Variants in PKP2 observed in about 807,000 individuals in gnomAD.
The protein encoded by PKP2 is plakophilin 2, also known as plakophilin-2.
In PKP2, 73 loss-of-function variants were observed where a neutral mutation model predicts 83.4. The observed-to-expected ratio is 0.88, with a 90% CI of 0.72 to 1.06. The LOEUF (loss-of-function observed/expected upper bound fraction) is 1.06, where lower values mean the gene tolerates loss of function less well. PKP2 is among the 50% of genes least tolerant of loss of function. PKP2 has a pLI of 0.00. For missense variants in PKP2, 966 were observed against 1,065.4 expected, an observed-to-expected ratio of 0.91 and a Z score of 1.30; for synonymous variants, 409 against 430.4, an observed-to-expected ratio of 0.95 and a Z score of 0.62.
chr12:32,877,906 G>A lies in PKP2; in HGVS notation c.974C>T (p.Ala325Val), dbSNP rs201803918. 4.6e-5 allele frequency: 74 copies of A among 1,614,028 alleles called. No individual in the cohort carries two copies. Among genetic ancestry groups the A allele is most frequent in the Admixed American group, 1.0e-4 (6 of 59,996 alleles). ...RRAHLTVGQA[A>V]AGGSGNLLTE... ...GAGCAGATTCCCACTTCCCCCTGCG[G>A]CCGCCTGGCCGACAGTCAAGTGCGC... Residue 325 changes from alanine to valine, a missense_variant, in exon 3 of 13, where the codon GCC (alanine) becomes GTC (valine). Ala to Val is a moderately conservative substitution (Grantham distance 64). Transcript: ENST00000340811.
chr12:32,843,105 G>C (rs867639688), intron 5 of PKP2: 2 of 389,672 alleles, frequency 5.1e-6, no homozygotes, highest in South Asian at 3.8e-5. Flanking sequence ...TCAGTCTCCT[G>C]AGTAGCTGGG....
chr12:32,895,326 G>C (rs769581655), intron 1 of PKP2, among the ~76,000 whole-genome samples: 42 of 152,166 alleles, frequency 2.8e-4, no homozygotes, highest in African/African-American at 1.0e-3. Flanking sequence ...TATTGACTAC[G>C]TCATCCTTTA....
At chr12:32,877,506 A>G (rs1956941631) in intron 3 of PKP2, among the ~76,000 whole-genome samples, 1 of 152,188 alleles carries the variant, frequency 6.6e-6, no homozygotes, top group Non-Finnish European at 1.5e-5. Flanking sequence ...TGAAGAAAAT[A>G]CGCATGCAAT....
intron 9 of PKP2, among the ~76,000 whole-genome samples, chr12:32,819,440 A>G (rs1345076774): frequency 2.6e-5 from 4 of 152,184 alleles, no homozygotes; most frequent in African/African-American, 4.8e-5. Context: ...ATGAATCAGT[A>G]TCAGTTTAGT....
At chr12:32,844,576 A>G (rs1956630044) in intron 5 of PKP2, among the ~76,000 whole-genome samples, 1 of 152,212 alleles carries the variant, frequency 6.6e-6, no homozygotes, top group Non-Finnish European at 1.5e-5. Flanking sequence ...TGGAAATTCT[A>G]AAGAAGGAGA....
chr12:32,859,105 T>C (rs1956778269), intron 4 of PKP2, among the ~76,000 whole-genome samples: 1 of 152,226 alleles, frequency 6.6e-6, no homozygotes, highest in Admixed American at 6.5e-5. Context: ...GGTATTTATG[T>C]CAATTGTATT....
At position 32,832,445 on chromosome 12, in the gene PKP2, A is replaced by G. The variant is rs191440375; in HGVS notation, c.1557-8283T>C. Among the ~76,000 whole-genome samples, 4 of 152,336 alleles carry G rather than the reference A, an allele frequency of 2.6e-5. No individual in the cohort carries two copies. The East Asian group carries it at 5.8e-4, about 22-fold the overall frequency. On this transcript the variant is annotated intron_variant, in intron 6 of 12. Transcript: ENST00000340811. ...AAACCATGTACTTGTTTGTATATCT[A>G]AAGTAACCAACAGAAAATATGGTTA...
intron 6 of PKP2, among the ~76,000 whole-genome samples, chr12:32,835,312 C>A (rs1387451360): frequency 1.3e-5 from 2 of 152,106 alleles, no homozygotes; most frequent in Non-Finnish European, 2.9e-5. Flanking sequence ...CTTGGCCTCC[C>A]AAAGTGCTGG....
chr12:32,823,974 CA>C (rs2137782776), intron 7 of PKP2, 70 bp downstream of exon 7: 2 of 941,700 alleles, frequency 2.1e-6, no homozygotes, highest in South Asian at 2.6e-5. Context: ...AACCTAAAAC[CA>C]AGCGGCTATC....
At position 32,796,167 on chromosome 12, in the gene PKP2, G is replaced by C; in HGVS notation, c.2299C>G (p.Arg767Gly). 1 of 1,614,046 alleles carries C rather than the reference G, an allele frequency of 6.2e-7. No homozygotes were observed. The highest frequency in any genetic ancestry group is 8.5e-7 in the Non-Finnish European group (1 of 1,179,986). Residue 767 changes from arginine to glycine, a missense_variant, in exon 11 of 13, where the codon CGC (arginine) becomes GGC (glycine). By Grantham distance (125) the Arg-to-Gly change is moderately radical. Coordinates refer to ENST00000340811, the MANE Select transcript of PKP2 (RefSeq NM_001005242.3). ...NIIQNSYQNA[R>G]DLLNTGGIQK... Reference sequence around the variant, plus strand: ...ATGCCCCCGGTGTTTAGAAGGTCGCGTGCATTCTGGTAACTGTTTTGGATT... The same window carrying C: ...ATGCCCCCGGTGTTTAGAAGGTCGCCTGCATTCTGGTAACTGTTTTGGATT...
chr12:32,809,014 G>A (rs554001565), intron 9 of PKP2, among the ~76,000 whole-genome samples: 1 of 152,310 alleles, frequency 6.6e-6, no homozygotes, highest in African/African-American at 2.4e-5. Flanking sequence ...ACAGAATTAG[G>A]GACCCGCTTA....
At chr12:32,814,835 G>C (rs1392595934) in intron 9 of PKP2, among the ~76,000 whole-genome samples, 1 of 151,896 alleles carries the variant, frequency 6.6e-6, no homozygotes, top group Non-Finnish European at 1.5e-5. Flanking sequence ...TGAGGTAGGA[G>C]AATCACTTGA....
chr12:32,861,010 A>T (rs994123956), intron 4 of PKP2, among the ~76,000 whole-genome samples: 2 of 148,494 alleles, frequency 1.3e-5, no homozygotes, highest in Non-Finnish European at 3.0e-5. Context: ...CCTGGGTGAC[A>T]GAGCAAGACT....
intron 3 of PKP2, among the ~76,000 whole-genome samples, chr12:32,873,924 G>A (rs917798555): frequency 2.1e-5 from 3 of 139,848 alleles, no homozygotes; most frequent in African/African-American, 4.9e-5. Context: ...CATAAATCAT[G>A]GTTTTAGAAA....
At chr12:32,885,211 G>A (rs1038487596) in intron 1 of PKP2, among the ~76,000 whole-genome samples, 3 of 152,150 alleles carry the variant, frequency 2.0e-5, no homozygotes, top group Admixed American at 1.3e-4. Flanking sequence ...AGGTGAAGCC[G>A]TCACAGGACA....
Position 32,802,741 on chromosome 12 carries a change from C to G in PKP2, c.2014-185G>C, listed in dbSNP as rs12299188. 0.2 allele frequency among the ~76,000 whole-genome samples: 29,999 copies of G among 152,036 alleles called. 3,643 individuals carry two copies. Among genetic ancestry groups the G allele is most frequent in the East Asian group, 0.56 (2,894 of 5,124 alleles). ...TGGTGTGATCTCAGCTCACCACAAC[C>G]TCCACCTCCCAGGTTCAAGTGATTC... On this transcript the variant is annotated intron_variant, in intron 9 of 12. Transcript: ENST00000340811.
At chr12:32,881,623 ATAAG>A (rs1317437228) in intron 1 of PKP2, among the ~76,000 whole-genome samples, 6 of 152,282 alleles carry the variant, frequency 3.9e-5, no homozygotes, top group Admixed American at 1.3e-4. Flanking sequence ...ATTTATTATT[ATAAG>A]TAAGTTGAAA....
chr12:32,828,216 A>G (rs960228724), intron 6 of PKP2, among the ~76,000 whole-genome samples: 1 of 152,170 alleles, frequency 6.6e-6, no homozygotes, highest in Non-Finnish European at 1.5e-5. Context: ...TCACATATTT[A>G]GGGGGATTCA....
chr12:32,799,637 A>T (rs925194662), intron 10 of PKP2, among the ~76,000 whole-genome samples: 10 of 152,172 alleles, frequency 6.6e-5, no homozygotes, highest in Non-Finnish European at 1.3e-4. Flanking sequence ...TTTGCGGCAA[A>T]TTGGATGGAA....
Sources: allele counts gnomAD v4.1 joint callset (sites outside exome capture counted in the v4.1 genomes callset), GRCh38; gene constraint gnomAD v4.1.1; transcripts MANE v1.5; gene names NCBI Gene and HGNC (gene_info 2026-07-23, HGNC 2026-07-21).